The following SRGAP2B variants were observed in gnomAD, a reference collection of about 807,000 sequenced individuals.
SRGAP2B encodes SLIT-ROBO Rho GTPase activating protein 2B, also known as SLIT-ROBO Rho GTPase-activating protein 2B.
A neutral mutation model predicts 22.2 loss-of-function variants in SRGAP2B; 9 were observed. That is an observed-to-expected ratio of 0.41 (90% CI 0.24 to 0.71). SRGAP2B has a LOEUF of 0.71. Among genes scored for constraint, SRGAP2B ranks in the 30% least tolerant of loss-of-function variants. The pLI, the probability that SRGAP2B is intolerant of heterozygous loss-of-function variation, is 0.35. For missense variants in SRGAP2B, 114 were observed against 235.8 expected, an observed-to-expected ratio of 0.48 and a Z score of 3.38; for synonymous variants, 36 against 87.4, an observed-to-expected ratio of 0.41 and a Z score of 3.28.
Position 145,022,768 on chromosome 1 carries a change from A to G in SRGAP2B, c.68-27568T>C, listed in dbSNP as rs1323185863. Among the ~76,000 whole-genome samples, 48 of 149,970 alleles carry G rather than the reference A, an allele frequency of 3.2e-4. 1 individual carries two copies. Among genetic ancestry groups the G allele is most frequent in the Non-Finnish European group, 5.5e-4 (37 of 67,860 alleles). On this transcript the variant is annotated intron_variant, in intron 2 of 9. Transcript: ENST00000612199. ...GAAGATGATTAAAAGCAGGACAGGC[A>G]GAAAGATGATGGCATTTTCACCTCA...
At chr1:144,988,999 C>CTTTTTTTTTTTTTTT (rs3062880) in intron 3 of SRGAP2B, among the ~76,000 whole-genome samples, 8 of 55,102 alleles carry the variant, frequency 1.5e-4, no homozygotes, top group East Asian at 6.4e-4. Context: ...ACTCCCCCCA[C>CTTTTTTTTTTTTTTT]TTTTTTTTTT....
intron 2 of SRGAP2B, among the ~76,000 whole-genome samples, chr1:145,076,132 A>G (rs1270255393): frequency 6.7e-6 from 1 of 150,374 alleles, no homozygotes; most frequent in Non-Finnish European, 1.5e-5. Flanking sequence ...TTCCCTAGTA[A>G]GATGCAAAAC....
intron 5 of SRGAP2B, among the ~76,000 whole-genome samples, chr1:144,914,165 C>T (rs1553603372): frequency 6.6e-6 from 1 of 151,824 alleles, no homozygotes; most frequent in African/African-American, 2.4e-5. Flanking sequence ...TTATAAAACT[C>T]CAGGAAGCCA....
At chr1:144,924,755 T>C (rs1328765585) in intron 4 of SRGAP2B, among the ~76,000 whole-genome samples, 1 of 133,370 alleles carries the variant, frequency 7.5e-6, no homozygotes, top group Admixed American at 7.3e-5. Flanking sequence ...AAAAAAAGAA[T>C]GTGTATCTAC....
chr1:144,923,359 G>A (rs1368414147), intron 4 of SRGAP2B, among the ~76,000 whole-genome samples: 2 of 150,492 alleles, frequency 1.3e-5, no homozygotes, highest in African/African-American at 5.0e-5. Flanking sequence ...TTCAGGCCCT[G>A]ATCTCTCATG....
rs1670112525 is a variant in SRGAP2B at position 144,990,675 on chromosome 1, T to A, written c.260+4333A>T. Among the ~76,000 whole-genome samples, 2 of 149,682 alleles carry A rather than the reference T, an allele frequency of 1.3e-5. 1 individual carries two copies. Among genetic ancestry groups the A allele is most frequent in the African/African-American group, 5.1e-5 (2 of 39,598 alleles). ...GAGAGGCACGAGCGGGAACCGGGGC[T>A]GCGTGCGGCGCTTGCGGGCCAGCTG... On this transcript the variant is annotated intron_variant, in intron 3 of 9. Transcript: ENST00000612199.
chr1:144,911,512 T>C (rs1663409551), intron 5 of SRGAP2B, among the ~76,000 whole-genome samples: 3 of 148,624 alleles, frequency 2.0e-5, no homozygotes, highest in Admixed American at 2.0e-4. Flanking sequence ...TCTTCAGTAC[T>C]AGGCAAAGAG....
chr1:145,001,909 C>A (rs1439084269), intron 2 of SRGAP2B, among the ~76,000 whole-genome samples: 3 of 148,564 alleles, frequency 2.0e-5, no homozygotes, highest in Non-Finnish European at 4.4e-5. Context: ...TTAGTCCCAG[C>A]TACTTGGGAG....
intron 3 of SRGAP2B, among the ~76,000 whole-genome samples, chr1:144,993,876 C>T (rs1553617962): frequency 6.7e-6 from 1 of 150,146 alleles, no homozygotes; most frequent in African/African-American, 2.5e-5. Flanking sequence ...CAAGCTTGTC[C>T]AACCTACGGC....
At chr1:144,974,147 T>C (rs1473965357) in intron 3 of SRGAP2B, among the ~76,000 whole-genome samples, 3 of 149,350 alleles carry the variant, frequency 2.0e-5, no homozygotes, top group African/African-American at 5.1e-5. Flanking sequence ...TATCAGTACA[T>C]AGAAAGAGTA....
intron 4 of SRGAP2B, among the ~76,000 whole-genome samples, chr1:144,920,346 G>C (rs1417267673): frequency 6.7e-6 from 1 of 150,364 alleles, no homozygotes; most frequent in Non-Finnish European, 1.5e-5. Flanking sequence ...GCTCACTGCA[G>C]CCTTGAACTC....
At position 145,005,949 on chromosome 1, in the gene SRGAP2B, C is replaced by T. The variant is rs587730047; in HGVS notation, c.68-10749G>A. ...CTATCATTATTGAGGGCCTGCTCTGCCAGATTCAGTTTATGCACCACCCCA... is the reference window on the plus strand; with the variant it reads ...CTATCATTATTGAGGGCCTGCTCTGTCAGATTCAGTTTATGCACCACCCCA... On this transcript the variant is annotated intron_variant, in intron 2 of 9. Transcript: ENST00000612199. Among the ~76,000 whole-genome samples the T allele has an allele frequency of 2.8e-4, 42 of 150,734 alleles. 4 individuals carry two copies. The highest frequency in any genetic ancestry group is 1.0e-3 in the African/African-American group (42 of 40,302).
chr1:144,925,619 G>A (rs1479294096), intron 4 of SRGAP2B, among the ~76,000 whole-genome samples: 3 of 139,170 alleles, frequency 2.2e-5, no homozygotes, highest in Non-Finnish European at 4.5e-5. Flanking sequence ...CCTCCAGCCT[G>A]GGTGACAGAG....
At chr1:145,088,883 G>A (rs1571173161) in intron 2 of SRGAP2B, among the ~76,000 whole-genome samples, 2 of 134,524 alleles carry the variant, frequency 1.5e-5, no homozygotes, top group African/African-American at 2.7e-5. Flanking sequence ...CATATCTGCA[G>A]ATTCAACCAA....
chr1:145,039,407 C>A, intron 2 of SRGAP2B, among the ~76,000 whole-genome samples: 1 of 111,800 alleles, frequency 8.9e-6, no homozygotes, highest in Admixed American at 9.8e-5. Context: ...CCCAGAAGGT[C>A]GAGGCTGCAG....
At chr1:144,994,361 G>A (rs1360219391) in intron 3 of SRGAP2B, among the ~76,000 whole-genome samples, 3 of 138,494 alleles carry the variant, frequency 2.2e-5, no homozygotes, top group African/African-American at 8.6e-5. Context: ...CCAAGTGAAT[G>A]GGCCAGCTGT....
chr1:145,017,137 C>G (rs1672485501), intron 2 of SRGAP2B, among the ~76,000 whole-genome samples: 1 of 139,380 alleles, frequency 7.2e-6, no homozygotes, highest in Non-Finnish European at 1.5e-5. Flanking sequence ...GCTATGTTGG[C>G]CAGGCTGGTC....
intron 2 of SRGAP2B, among the ~76,000 whole-genome samples, chr1:145,002,272 G>C (rs1237373044): frequency 1.7e-5 from 1 of 58,552 alleles, no homozygotes; most frequent in African/African-American, 9.1e-5. Flanking sequence ...TGAGTGGAAA[G>C]CCCATTTGAG....
intron 2 of SRGAP2B, among the ~76,000 whole-genome samples, chr1:145,009,474 G>C (rs1442310484): frequency 5.4e-4 from 79 of 146,622 alleles, no homozygotes; most frequent in Non-Finnish European, 1.3e-4. Flanking sequence ...TGTAGTCCCA[G>C]CTACTTGGGA....
Sources: gnomAD v4.1 joint callset for allele counts (sites outside exome capture counted in the v4.1 genomes callset) on GRCh38, gnomAD v4.1.1 for gene constraint, MANE v1.5 for transcripts, NCBI Gene and HGNC (gene_info 2026-07-23, HGNC 2026-07-21) for gene names.